The following CTNNA3 variants were observed in gnomAD, a reference collection of about 807,000 sequenced individuals.
CTNNA3 encodes catenin alpha-3.
In CTNNA3, 76 loss-of-function variants were observed where a neutral mutation model predicts 95.7. The ratio of observed to expected loss-of-function variants is 0.79; its 90% CI spans 0.66 to 0.96. The LOEUF is 0.96. Ranked by LOEUF, CTNNA3 falls within the 40% of genes least tolerant of loss-of-function variation. The pLI, the probability that CTNNA3 is intolerant of heterozygous loss-of-function variation, is 0.00. For missense variants in CTNNA3, 1,191 were observed against 1,089.8 expected (o/e 1.09, Z -1.31); for synonymous variants, 431 against 374.4 (o/e 1.15, Z -1.74).
At chr10:67,662,113 C>G (rs946524833) in intron 1 of CTNNA3, among the ~76,000 whole-genome samples, 1 of 152,126 alleles carries the variant, frequency 6.6e-6, no homozygotes, top group Non-Finnish European at 1.5e-5. Context: ...ACTCATAAGA[C>G]AGTCATCCCC....
At chr10:66,886,258 C>A (rs1345706686) in intron 7 of CTNNA3, among the ~76,000 whole-genome samples, 1 of 152,120 alleles carries the variant, frequency 6.6e-6, no homozygotes, top group Non-Finnish European at 1.5e-5. Context: ...ATAAGCTCAA[C>A]AGACCTGGTC....
intron 9 of CTNNA3, among the ~76,000 whole-genome samples, chr10:66,726,367 A>G (rs542726399): frequency 5.9e-5 from 9 of 152,084 alleles, no homozygotes; most frequent in Non-Finnish European, 1.0e-4. Context: ...AATACATAAA[A>G]TTATATGCCA....
intron 10 of CTNNA3, among the ~76,000 whole-genome samples, chr10:66,532,258 C>T (rs972447327): frequency 2.6e-5 from 4 of 151,940 alleles, no homozygotes; most frequent in East Asian, 1.9e-4. Context: ...GTCAGGAGAT[C>T]GAGACCATCC....
At chr10:66,540,036 T>A (rs1426407967) in intron 10 of CTNNA3, among the ~76,000 whole-genome samples, 1 of 152,104 alleles carries the variant, frequency 6.6e-6, no homozygotes, top group Non-Finnish European at 1.5e-5. Flanking sequence ...AAGCTGACCT[T>A]CTTTTGTTTG....
chr10:66,131,196 TG>T (rs1168517971), intron 13 of CTNNA3, among the ~76,000 whole-genome samples: 14 of 151,592 alleles, frequency 9.2e-5, no homozygotes, highest in Non-Finnish European at 1.6e-4. Context: ...GTGGAGGAGG[TG>T]CCCCCTCTTC....
intron 7 of CTNNA3, among the ~76,000 whole-genome samples, chr10:66,872,624 G>A (rs936455717): frequency 6.6e-6 from 1 of 152,036 alleles, no homozygotes; most frequent in Non-Finnish European, 1.5e-5. Flanking sequence ...AGCCGAGATT[G>A]TGCCACTGCA....
chr10:66,417,778 C>A (rs1200949704), intron 11 of CTNNA3, among the ~76,000 whole-genome samples: 1 of 151,760 alleles, frequency 6.6e-6, no homozygotes, highest in Non-Finnish European at 1.5e-5. Context: ...CCTGAACAAC[C>A]ATTGTGTCAA....
At chr10:66,406,403 T>C (rs965230437) in intron 11 of CTNNA3, among the ~76,000 whole-genome samples, 5 of 150,770 alleles carry the variant, frequency 3.3e-5, no homozygotes, top group African/African-American at 1.2e-4. Flanking sequence ...TCCAAGGTAC[T>C]TGTTCTATAA....
chr10:66,687,282 A>G (rs145817724), intron 9 of CTNNA3, among the ~76,000 whole-genome samples: 79 of 152,224 alleles, frequency 5.2e-4, no homozygotes, highest in African/African-American at 1.9e-3. Context: ...CTCAAGATAT[A>G]TATGTTGTCC....
intron 7 of CTNNA3, among the ~76,000 whole-genome samples, chr10:67,172,122 A>G (rs1862049780): frequency 2.0e-5 from 3 of 152,120 alleles, no homozygotes; most frequent in Admixed American, 6.5e-5. Context: ...AACTCCCTCA[A>G]CTGTCTAATG....
chr10:66,324,128 T>C (rs2092224643), intron 12 of CTNNA3, among the ~76,000 whole-genome samples: 1 of 151,848 alleles, frequency 6.6e-6, no homozygotes, highest in Admixed American at 6.6e-5. Context: ...CAGTCCAGCC[T>C]GGCCAATATG....
intron 6 of CTNNA3, among the ~76,000 whole-genome samples, chr10:67,216,786 C>G (rs1457140876): frequency 6.6e-6 from 1 of 152,194 alleles, no homozygotes; most frequent in South Asian, 2.1e-4. Flanking sequence ...TCCCTCCTCA[C>G]AGGAGACAAT....
At chr10:66,941,165 G>A (rs758345585) in intron 7 of CTNNA3, among the ~76,000 whole-genome samples, 9 of 152,078 alleles carry the variant, frequency 5.9e-5, no homozygotes, top group Non-Finnish European at 8.8e-5. Flanking sequence ...CAGCTGAGTC[G>A]GTTAATTAAA....
intron 7 of CTNNA3, among the ~76,000 whole-genome samples, chr10:66,994,473 T>C (rs889030472): frequency 3.3e-5 from 5 of 152,182 alleles, no homozygotes; most frequent in Admixed American, 6.5e-5. Flanking sequence ...TTACCAAATA[T>C]CTGCAATTCC....
chr10:67,698,837 T>C (rs1292419216), upstream of CTNNA3, among the ~76,000 whole-genome samples: 1 of 149,730 alleles, frequency 6.7e-6, no homozygotes, highest in Non-Finnish European at 1.5e-5. Flanking sequence ...AGGTCTTATG[T>C]ACTATTAATA....
chr10:67,599,559 T>C (rs2133365011), intron 3 of CTNNA3, among the ~76,000 whole-genome samples: 1 of 152,150 alleles, frequency 6.6e-6, no homozygotes, highest in Non-Finnish European at 1.5e-5. Flanking sequence ...AAATGAAAAT[T>C]CAGGAACTAA....
chr10:65,920,351 A>C lies in CTNNA3; in HGVS notation c.2667T>G (p.Phe889Leu), dbSNP rs1002623045. The C allele has an allele frequency of 6.2e-7, 1 of 1,613,754 alleles. No individual in the cohort carries two copies. The highest frequency in any genetic ancestry group is 8.5e-7 in the Non-Finnish European group (1 of 1,179,926). ...KIHPLQVMSE[F>L]RGRQIY ...GGTTTCAGTAGATTTGTCTTCCTCT[A>C]AATTCACTCATGACTTGCAATGGAT... Residue 889 changes from phenylalanine to leucine, a missense_variant, in exon 18 of 18, where the codon TTT becomes TTG. Transcript: ENST00000433211.
intron 7 of CTNNA3, among the ~76,000 whole-genome samples, chr10:67,170,301 T>C (rs1351711735): frequency 1.3e-5 from 2 of 152,110 alleles, no homozygotes; most frequent in African/African-American, 4.8e-5. Context: ...AATCATTCTA[T>C]CATAAAGACA....
intron 11 of CTNNA3, among the ~76,000 whole-genome samples, chr10:66,514,830 T>C (rs578189993): frequency 6.6e-6 from 1 of 152,286 alleles, no homozygotes; most frequent in African/African-American, 2.4e-5. Context: ...TCTATCAAAG[T>C]TTGTAGCTCA....
Sources: allele counts gnomAD v4.1 joint callset (sites outside exome capture counted in the v4.1 genomes callset), GRCh38; gene constraint gnomAD v4.1.1; transcripts MANE v1.5; gene names NCBI Gene and HGNC (gene_info 2026-07-23, HGNC 2026-07-21).